NCOA2: variants seen among roughly 807,000 people sequenced by gnomAD.
NCOA2 encodes the protein nuclear receptor coactivator 2.
In NCOA2, 21 loss-of-function variants were observed where a neutral mutation model predicts 145.1. That is an observed-to-expected ratio of 0.14 (90% CI 0.10 to 0.21). NCOA2 has a LOEUF of 0.21. Among genes scored for constraint, NCOA2 ranks in the 10% least tolerant of loss-of-function variants. NCOA2 has a pLI of 1.00. For missense variants in NCOA2, 1,472 were observed against 1,837.6 expected (o/e 0.80, Z 3.64); for synonymous variants, 619 against 637.5 (o/e 0.97, Z 0.44).
chr8:70,455,642 GA>G, the NCOA2 span, among the ~76,000 whole-genome samples: 14 of 145,224 alleles, frequency 9.6e-5, no homozygotes, highest in South Asian at 2.2e-4. Flanking sequence ...ACAAAGGCTG[GA>G]AAAAAAAAAT....
the NCOA2 span, among the ~76,000 whole-genome samples, chr8:70,424,867 C>T: frequency 6.6e-6 from 1 of 152,152 alleles, no homozygotes. Flanking sequence ...GATGTACAAA[C>T]CATCCCTAGC....
intron 6 of NCOA2, among the ~76,000 whole-genome samples, chr8:70,167,296 T>C (rs1338387320): frequency 6.6e-6 from 1 of 152,202 alleles, no homozygotes; most frequent in Non-Finnish European, 1.5e-5. Flanking sequence ...AGACTCTCAC[T>C]AACCAGCTCC....
chr8:70,184,929 C>G (rs983614819), intron 4 of NCOA2, among the ~76,000 whole-genome samples: 2 of 152,200 alleles, frequency 1.3e-5, no homozygotes, highest in Non-Finnish European at 2.9e-5. Flanking sequence ...ATCTTCCATG[C>G]CTAGGAATCC....
At chr8:70,141,455 T>C (rs1350142803) in intron 13 of NCOA2, 56 bp from the exon 14 acceptor site, 43 of 1,433,856 alleles carry the variant, frequency 3.0e-5, no homozygotes, top group Middle Eastern at 1.8e-4. Flanking sequence ...ATATTTAGCA[T>C]GTATGAACAC....
chr8:70,405,529 A>G (rs181333236), upstream of NCOA2, among the ~76,000 whole-genome samples: 9 of 111,780 alleles, frequency 8.1e-5, no homozygotes, highest in Middle Eastern at 0.013. Context: ...GAGTTTGTTT[A>G]TGGCCTATCT....
intron 2 of NCOA2, among the ~76,000 whole-genome samples, chr8:70,237,584 G>A (rs1172730740): frequency 3.3e-5 from 5 of 151,792 alleles, no homozygotes; most frequent in South Asian, 2.1e-4. Flanking sequence ...GCAACATAGT[G>A]AGACTCTGTA....
intron 2 of NCOA2, among the ~76,000 whole-genome samples, chr8:70,290,821 C>G (rs368472001): frequency 1.2e-3 from 172 of 140,424 alleles, no homozygotes; most frequent in Non-Finnish European, 1.9e-3. Flanking sequence ...AAAAAAAAAA[C>G]AAAACTATAA....
rs562057981 is a variant in NCOA2, at chr8:70,368,848, T to C, written c.-77+34852A>G. Among the ~76,000 whole-genome samples the C allele has an allele frequency of 3.6e-3, 552 of 152,296 alleles. 1 individual carries two copies. Among genetic ancestry groups the C allele is most frequent in the Non-Finnish European group, 5.8e-3 (394 of 68,012 alleles). On this transcript the variant is annotated intron_variant, in intron 1 of 22. Coordinates refer to ENST00000452400, the MANE Select transcript of NCOA2 (RefSeq NM_006540.4). ...TGGTCAATGTAACCCCTCCCAAAAC[T>C]GCACAACTTATTCTGTCACTCCCTG...
At chr8:70,120,723 AAAAAC>A (rs1217920327) in intron 22 of NCOA2, among the ~76,000 whole-genome samples, 2 of 152,328 alleles carry the variant, frequency 1.3e-5, no homozygotes, top group South Asian at 2.1e-4. Flanking sequence ...ACTGTCTCAA[AAAAAC>A]AAAACAAAAC....
At chr8:70,200,297 G>C (rs1339085690) in intron 4 of NCOA2, among the ~76,000 whole-genome samples, 2 of 152,104 alleles carry the variant, frequency 1.3e-5, no homozygotes, top group Non-Finnish European at 2.9e-5. Context: ...CTGTTAGAAT[G>C]AACATCAAAT....
intron 1 of NCOA2, among the ~76,000 whole-genome samples, chr8:70,313,983 C>T (rs146247693): frequency 4.0e-4 from 61 of 151,642 alleles, no homozygotes; most frequent in African/African-American, 9.9e-4. Context: ...ATCCTGGCTA[C>T]GGTGAAACCC....
At chr8:70,274,886 C>T (rs142293213) in intron 2 of NCOA2, among the ~76,000 whole-genome samples, 19 of 152,206 alleles carry the variant, frequency 1.2e-4, no homozygotes, top group Admixed American at 1.2e-3. Context: ...GCTCACTCCA[C>T]TGTCTCACCT....
At chr8:70,442,148 A>AAAGAAAGAAAGAAAGAAAGAAAGG in the NCOA2 span, among the ~76,000 whole-genome samples, 18 of 138,434 alleles carry the variant, frequency 1.3e-4, no homozygotes, top group African/African-American at 3.1e-4. Flanking sequence ...AGAAAGAAAG[A>AAAGAAAGAAAGAAAGAAAGAAAGG]AAGAAAGAAA....
chr8:70,134,980 G>A lies in NCOA2; in HGVS notation c.3159-2978C>T, dbSNP rs532145963. Reference sequence around the variant, plus strand: ...AAAGCACACTTTACAGAGCAAACAGGCCCTACTCAGAATTCTTATGTGGTT... The same window carrying A: ...AAAGCACACTTTACAGAGCAAACAGACCCTACTCAGAATTCTTATGTGGTT... On this transcript the variant is annotated intron_variant, in intron 15 of 22. Transcript: ENST00000452400. Among the ~76,000 whole-genome samples, 5 of 152,114 alleles carry A rather than the reference G, an allele frequency of 3.3e-5. No homozygotes were observed. The East Asian group carries it at 9.7e-4, about 30-fold the overall frequency.
intron 4 of NCOA2, among the ~76,000 whole-genome samples, chr8:70,192,112 T>C (rs535863312): frequency 6.6e-6 from 1 of 152,266 alleles, no homozygotes; most frequent in South Asian, 2.1e-4. Context: ...GAAACCAAGC[T>C]TTACATGTAT....
intron 1 of NCOA2, among the ~76,000 whole-genome samples, chr8:70,325,994 C>T (rs1391945620): frequency 6.6e-6 from 1 of 152,172 alleles, no homozygotes; most frequent in Non-Finnish European, 1.5e-5. Flanking sequence ...CACTAGGAAA[C>T]TAGCCTGCAC....
the NCOA2 span, among the ~76,000 whole-genome samples, chr8:70,419,558 T>C: frequency 6.6e-6 from 1 of 152,078 alleles, no homozygotes; most frequent in Non-Finnish European, 1.5e-5. Context: ...TCCCTACTTA[T>C]TGTTTTTGCC....
At chr8:70,280,815 C>T (rs940486379) in intron 2 of NCOA2, among the ~76,000 whole-genome samples, 3 of 152,068 alleles carry the variant, frequency 2.0e-5, no homozygotes, top group Non-Finnish European at 2.9e-5. Flanking sequence ...GAAATCCATT[C>T]TACCCCTTAC....
rs146425187 is a variant in NCOA2, at chr8:70,331,529, G to A, written c.-76-34729C>T. Among the ~76,000 whole-genome samples the A allele has an allele frequency of 4.9e-4, 75 of 151,982 alleles. No homozygotes were observed. In the South Asian group the frequency reaches 0.012, roughly 24 times the overall value. ...GCTACAAGTAACAGATATTCCTTAC[G>A]TTAAAATGTCTAAAATTAATGCTAT... On this transcript the variant is annotated intron_variant, in intron 1 of 22. Transcript: ENST00000452400.
Sources: allele counts gnomAD v4.1 joint callset (sites outside exome capture counted in the v4.1 genomes callset), GRCh38; gene constraint gnomAD v4.1.1; transcripts MANE v1.5; gene names NCBI Gene and HGNC (gene_info 2026-07-23, HGNC 2026-07-21).